The following FMNL1 variants were observed in gnomAD, a reference collection of about 807,000 sequenced individuals.
FMNL1 encodes the protein formin like 1.
In FMNL1, 43 loss-of-function variants were observed where a neutral mutation model predicts 121.3. The ratio of observed to expected loss-of-function variants is 0.35; its 90% CI spans 0.28 to 0.46. The LOEUF is 0.46. FMNL1 is among the 20% of genes least tolerant of loss of function. The pLI is 1.00. For missense variants in FMNL1, 1,191 were observed against 1,482.4 expected (o/e 0.80, Z 3.23); for synonymous variants, 613 against 613.5 (o/e 1.00, Z 0.01).
At position 45,241,032 on chromosome 17, in the gene FMNL1, C is replaced by T; in HGVS notation, c.1231-97C>T. ...TGGGCTGAGCGGATCTGGGAGCCTC[C>T]CCCAGTCTTCCAGGCAGGCATGCCT... On this transcript the variant is annotated intron_variant, in intron 12 of 26. Coordinates refer to ENST00000331495, the MANE Select transcript of FMNL1 (RefSeq NM_005892.4). The surrounding 1 kb of genome is among the most constrained non-coding windows in gnomAD (Gnocchi z 7.0). 6.8e-7 allele frequency: 1 copy of T among 1,468,096 alleles called. No homozygotes were observed. The highest frequency in any genetic ancestry group is 9.4e-7 in the Non-Finnish European group (1 of 1,063,384). 90.9% of individuals were successfully genotyped at this position (1,468,096 alleles called of 1,614,324 possible).
In FMNL1 at chr17:45,237,533, C is replaced by A; in HGVS notation, c.801-13C>A. The stretch of plus-strand genomic sequence containing the variant: ...CCTGTTCTCAAGGGACAACCTGCCC[C>A]TTCTCTCTCCAGAACCAAGGCTCTG... On this transcript the variant is annotated splice_polypyrimidine_tract_variant and intron_variant, in intron 8 of 26. Transcript: ENST00000331495. The surrounding 1 kb of genome is among the most constrained non-coding windows in gnomAD (Gnocchi z 4.4). 6.2e-7 allele frequency: 1 copy of A among 1,614,168 alleles called. No individual in the cohort carries two copies. The highest frequency in any genetic ancestry group is 8.5e-7 in the Non-Finnish European group (1 of 1,180,016).
rs911252339 is a variant in FMNL1 at position 45,222,266 on chromosome 17, C to T, written c.129+13C>T. On this transcript the variant is annotated intron_variant, in intron 1 of 26. Coordinates refer to ENST00000331495, the MANE Select transcript of FMNL1 (RefSeq NM_005892.4). ...CAACCGCGCCCTGGTGAGTGCGACC[C>T]GGAGGCGGGTCGGGCGCGGGCGGGG... 9 of 1,177,408 alleles carry T rather than the reference C, an allele frequency of 7.6e-6. No individual in the cohort carries two copies. Among genetic ancestry groups the T allele is most frequent in the Admixed American group, 9.3e-5 (2 of 21,586 alleles). 72.9% of individuals were successfully genotyped at this position (1,177,408 alleles called of 1,614,324 possible).
At chr17:45,229,261 G>C (rs1269828828) in intron 1 of FMNL1, among the ~76,000 whole-genome samples, 1 of 152,262 alleles carries the variant, frequency 6.6e-6, no homozygotes, top group East Asian at 1.9e-4. Context: ...TGGCCGGAAA[G>C]CTTAGGCAAT....
At position 45,242,056 on chromosome 17, in the gene FMNL1, G is replaced by A. The variant is rs763054769; in HGVS notation, c.1795G>A (p.Gly599Arg). ...PPPPPPPGTD[G>R]PVPPPPPPPP... ...ACCGCCACCACCTCCGGGCACTGAC[G>A]GGCCGGTGCCTCCGCCGCCGCCGCC... Residue 599 changes from glycine to arginine, a missense_variant, in exon 15 of 27, where the codon GGG (glycine) becomes AGG (arginine). By Grantham distance (125) the Gly-to-Arg change is moderately radical (BLOSUM62 -2). This residue lies in a region of FMNL1 where 519 missense variants were observed against 492.8 expected (regional missense o/e 1.05). Coordinates refer to ENST00000331495, the MANE Select transcript of FMNL1 (RefSeq NM_005892.4). 2.6e-5 allele frequency: 39 copies of A among 1,476,540 alleles called. No individual in the cohort carries two copies. The African/African-American group carries it at 5.1e-4, about 19-fold the overall frequency. The allele number at this position is 1,476,540 out of a possible 1,614,324, so 91.5% of individuals were successfully genotyped here. A position where few individuals can be genotyped will look rare whatever the true frequency, so the allele number is the denominator to read the frequency against.
rs750943458 is a variant in FMNL1 at position 45,241,472 on chromosome 17, G to A, written c.1423G>A (p.Ala475Thr). ...TCCCGCTGCCCCGACGCGGCCCTCGGCCCTGGAGCTGAAGGTGGAGGAGCT... is the reference window on the plus strand; with the variant it reads ...TCCCGCTGCCCCGACGCGGCCCTCGACCCTGGAGCTGAAGGTGGAGGAGCT... The part of the protein sequence containing the change: ...APPAAPTRPS[A>T]LELKVEELEE... The change falls in exon 14 of 27, where the codon GCC (alanine) becomes ACC (threonine). Residue 475 changes from alanine to threonine, a missense_variant. Ala to Thr is a moderately conservative substitution (Grantham distance 58). Coordinates refer to ENST00000331495, the MANE Select transcript of FMNL1 (RefSeq NM_005892.4). This position sits in a 1 kb window ranked among gnomAD's most constrained non-coding sequence, Gnocchi z 7.0. 1.3e-6 allele frequency: 2 copies of A among 1,573,044 alleles called. No individual in the cohort carries two copies. The highest frequency in any genetic ancestry group is 2.3e-5 in the South Asian group (2 of 86,296).
At position 45,244,828 on chromosome 17, in the gene FMNL1, G is replaced by C; in HGVS notation, c.2527G>C (p.Ala843Pro). The C allele has an allele frequency of 6.2e-7, 1 of 1,612,940 alleles. No homozygotes were observed. Among genetic ancestry groups the C allele is most frequent in the Non-Finnish European group, 8.5e-7 (1 of 1,179,430 alleles). ...CTCCTGCCTCTCCCAGATTGTCCTG[G>C]CCTTTGGCAACTACATGAACAGTAG... ...KLRQILEIVL[A>P]FGNYMNSSKR... Residue 843 changes from alanine (A) to proline (P), a missense_variant, in exon 20 of 27, where the codon GCC becomes CCC. Around this residue, in one of 4 missense-constraint regions of FMNL1, gnomAD observed 367 missense variants for 528.6 expected, o/e 0.69. Coordinates refer to ENST00000331495, the MANE Select transcript of FMNL1 (RefSeq NM_005892.4).
intron 1 of FMNL1, among the ~76,000 whole-genome samples, chr17:45,229,869 A>C (rs1322982465): frequency 6.6e-6 from 1 of 152,034 alleles, no homozygotes; most frequent in Non-Finnish European, 1.5e-5. Context: ...GACCCAGGGC[A>C]CTGGCTCTTC....
intron 2 of FMNL1, 51 bp downstream of exon 2, chr17:45,230,738 C>T: frequency 6.3e-7 from 1 of 1,584,286 alleles, no homozygotes; most frequent in South Asian, 1.1e-5. Flanking sequence ...GTCAGTACCC[C>T]ACCCTGACCA....
chr17:45,241,908 C>G lies in FMNL1; in HGVS notation c.1647C>G (p.Pro549=). 1 of 1,406,944 alleles carries G rather than the reference C, an allele frequency of 7.1e-7. No individual in the cohort carries two copies. 87.2% of individuals were successfully genotyped at this position (1,406,944 alleles called of 1,614,324 possible). Residue 549 remains proline, a synonymous_variant, in exon 15 of 27, where the codon CCC becomes CCG. Transcript: ENST00000331495. This position sits in a 1 kb window ranked among gnomAD's most constrained non-coding sequence, Gnocchi z 7.0. ...CGCCACCGCCGCCGCCCCCACTGCC[C>G]GGCCTCCCCTCCCCGCAGGAAGCCC... is the stretch of plus-strand genomic sequence containing the variant. ...GAAPPPPPPL[P]GLPSPQEAPP...
In FMNL1 at chr17:45,240,818, G is replaced by A; in HGVS notation, c.1230+193G>A. The A allele has an allele frequency of 3.6e-6, 3 of 843,880 alleles. No homozygotes were observed. In the South Asian group the frequency reaches 5.4e-5, roughly 15 times the overall value. The allele number at this position is 843,880 out of a possible 1,614,324, so 52.3% of individuals were successfully genotyped here. On this transcript the variant is annotated intron_variant, in intron 12 of 26. Coordinates refer to ENST00000331495, the MANE Select transcript of FMNL1 (RefSeq NM_005892.4). ...GTTGGGTGTCTTTCTCAATGAGTGTGGGTGAGCACCCTCACTGACAGGCCC... is the reference window on the plus strand; with the variant it reads ...GTTGGGTGTCTTTCTCAATGAGTGTAGGTGAGCACCCTCACTGACAGGCCC...
Position 45,241,542 on chromosome 17 carries a change from C to T in FMNL1, c.1493C>T (p.Ala498Val). Reference sequence around the variant, plus strand: ...CGTATTCTGCGGGGGCCGGGGGATGCTGTCTCCATCGAGATCCTCCCCGTC... The same window carrying T: ...CGTATTCTGCGGGGGCCGGGGGATGTTGTCTCCATCGAGATCCTCCCCGTC... ...LIRILRGPGD[A>V]VSIEILPVAV... Residue 498 changes from alanine to valine, a missense_variant, in exon 14 of 27, where the codon GCT becomes GTT. By Grantham distance (64) the Ala-to-Val change is moderately conservative (BLOSUM62 0). Around this residue, in one of 4 missense-constraint regions of FMNL1, gnomAD observed 519 missense variants for 492.8 expected, o/e 1.05. Transcript: ENST00000331495. This position sits in a 1 kb window ranked among gnomAD's most constrained non-coding sequence, Gnocchi z 7.0. The T allele has an allele frequency of 1.3e-6, 2 of 1,574,292 alleles. No individual in the cohort carries two copies.
chr17:45,242,016 G>GCCCC lies in FMNL1; in HGVS notation c.1757_1760dup (p.Pro589ThrfsTer11). ...CGCCGCCGCTGCCCGGAGACCTGCCGCCCCCACCCCCGCCACCGCCACCAC... is the reference window on the plus strand; with the variant it reads ...CGCCGCCGCTGCCCGGAGACCTGCCGCCCCCCCCCACCCCCGCCACCGCCACCAC... On this transcript the variant is annotated frameshift_variant, in exon 15 of 27. Coordinates refer to ENST00000331495, the MANE Select transcript of FMNL1 (RefSeq NM_005892.4). LOFTEE classifies it high-confidence loss of function. 7.8e-7 allele frequency: 1 copy of GCCCC among 1,288,300 alleles called. No individual in the cohort carries two copies. Among genetic ancestry groups the GCCCC allele is most frequent in the Non-Finnish European group, 9.9e-7 (1 of 1,014,110 alleles). 79.8% of individuals were successfully genotyped at this position (1,288,300 alleles called of 1,614,324 possible). A position where few individuals can be genotyped will look rare whatever the true frequency, so the allele number is the denominator to read the frequency against.
chr17:45,245,419 G>A lies in FMNL1; in HGVS notation c.2892+3G>A, dbSNP rs765697779. The stretch of plus-strand genomic sequence containing the variant: ...TGGCAGACAGCAAGACGGCTCAGGT[G>A]CGCCAGGGCTGGCCTCACCTGGAGG... On this transcript the variant is annotated splice_donor_region_variant and intron_variant, in intron 22 of 26. Transcript: ENST00000331495. The A allele has an allele frequency of 1.1e-5, 17 of 1,614,100 alleles. No individual in the cohort carries two copies. The South Asian group carries it at 1.4e-4, about 14-fold the overall frequency.
intron 2 of FMNL1, among the ~76,000 whole-genome samples, chr17:45,230,995 CT>C (rs1347867286): frequency 1.3e-5 from 2 of 152,166 alleles, no homozygotes; most frequent in Non-Finnish European, 2.9e-5. Context: ...GCTGAGCTTC[CT>C]GAGAAACCTC....
chr17:45,224,623 A>G (rs2043296419), intron 1 of FMNL1, among the ~76,000 whole-genome samples: 1 of 152,182 alleles, frequency 6.6e-6, no homozygotes, highest in African/African-American at 2.4e-5. Flanking sequence ...TCCTGGCTGT[A>G]GGACCTCTCT....
Position 45,237,888 on chromosome 17 carries a change from G to A in FMNL1, c.894+249G>A, listed in dbSNP as rs2043587160. 2.3e-6 allele frequency: 1 copy of A among 443,444 alleles called. No individual in the cohort carries two copies. The highest frequency in any genetic ancestry group is 4.1e-6 in the Non-Finnish European group (1 of 242,096). 27.5% of individuals were successfully genotyped at this position (443,444 alleles called of 1,614,324 possible). A position where few individuals can be genotyped will look rare whatever the true frequency, so the allele number is the denominator to read the frequency against. ...GTAGGGACAACTACAGGGACCTGCTGAACCTCTGACTCAGCCTTGCCAGAT... is the reference window on the plus strand; with the variant it reads ...GTAGGGACAACTACAGGGACCTGCTAAACCTCTGACTCAGCCTTGCCAGAT... On this transcript the variant is annotated intron_variant, in intron 9 of 26. Coordinates refer to ENST00000331495, the MANE Select transcript of FMNL1 (RefSeq NM_005892.4). This position sits in a 1 kb window ranked among gnomAD's most constrained non-coding sequence, Gnocchi z 4.4.
At chr17:45,242,726 C>T (rs1247614035) in intron 16 of FMNL1, among the ~76,000 whole-genome samples, 2 of 152,274 alleles carry the variant, frequency 1.3e-5, no homozygotes, top group East Asian at 3.8e-4. Flanking sequence ...CTCTTTCCTT[C>T]CACTTTCCCA....
At chr17:45,240,146 A>G (rs1389337499) in intron 11 of FMNL1, among the ~76,000 whole-genome samples, 1 of 152,178 alleles carries the variant, frequency 6.6e-6, no homozygotes, top group Non-Finnish European at 1.5e-5. Context: ...AAAGATGGAA[A>G]GTAGATTAGT....
In FMNL1 at chr17:45,244,017, C is replaced by T; in HGVS notation, c.2440C>T (p.Leu814Phe). 6.2e-7 allele frequency: 1 copy of T among 1,608,590 alleles called. No homozygotes were observed. Among genetic ancestry groups the T allele is most frequent in the Non-Finnish European group, 8.5e-7 (1 of 1,178,012 alleles). ...LGNFPDTAQL[L>F]MPQLNAIIAA... Reference sequence around the variant, plus strand: ...CAACTTCCCGGACACAGCCCAGCTGCTCATGCCGGTGTGGGCGGAGCGGGC... The same window carrying T: ...CAACTTCCCGGACACAGCCCAGCTGTTCATGCCGGTGTGGGCGGAGCGGGC... The change falls in exon 18 of 27, where the codon CTC becomes TTC. Residue 814 changes from leucine (L) to phenylalanine (F), a missense_variant. By Grantham distance (22) the Leu-to-Phe change is conservative. This residue lies in a region of FMNL1 where 367 missense variants were observed against 528.6 expected (regional missense o/e 0.69). Coordinates refer to ENST00000331495, the MANE Select transcript of FMNL1 (RefSeq NM_005892.4).
Sources: allele counts gnomAD v4.1 joint callset (sites outside exome capture counted in the v4.1 genomes callset), GRCh38; gene constraint gnomAD v4.1.1; regional missense constraint gnomAD v4.1.1; non-coding constraint Gnocchi (gnomAD v3.1); transcripts MANE v1.5; gene names NCBI Gene and HGNC (gene_info 2026-07-23, HGNC 2026-07-21).